NEO1: variants seen among roughly 807,000 people sequenced by gnomAD.
NEO1 encodes the protein neogenin.
Under a neutral mutation model 159.7 loss-of-function variants are expected in NEO1, and 63 were observed. That is an observed-to-expected ratio of 0.39 (90% confidence interval 0.32 to 0.49). NEO1 has a LOEUF of 0.49. Among genes scored for constraint, NEO1 ranks in the 20% least tolerant of loss-of-function variants. The pLI is 0.85. For missense variants in NEO1, 1,615 were observed against 1,831.0 expected (o/e 0.88, Z 2.15); for synonymous variants, 633 against 662.0 (o/e 0.96, Z 0.67).
At chr15:73,298,731 C>A in intron 27 of NEO1, 120 bp downstream of exon 27, 1 of 1,357,506 alleles carries the variant, frequency 7.4e-7, no homozygotes, top group Non-Finnish European at 1.0e-6. Context: ...CCAAGCCTAT[C>A]TTAGCAATTC....
Position 73,244,371 on chromosome 15 carries a change from A to C in NEO1, c.1479A>C (p.Pro493=). The C allele has an allele frequency of 6.2e-7, 1 of 1,613,888 alleles. No homozygotes were observed. The highest frequency in any genetic ancestry group is 8.5e-7 in the Non-Finnish European group (1 of 1,179,870). ...AACGTGTTGAGAATACCAGTCACCCAGGAGAGATGCAAGTAACCATTCAAA... is the reference window on the plus strand; with the variant it reads ...AACGTGTTGAGAATACCAGTCACCCCGGAGAGATGCAAGTAACCATTCAAA... The part of the protein sequence containing the change: ...ARERVENTSH[P]GEMQVTIQNL... Residue 493 remains proline, a synonymous_variant, in exon 9 of 29, where the codon CCA becomes CCC. Coordinates refer to ENST00000261908, the MANE Select transcript of NEO1 (RefSeq NM_002499.4).
intron 7 of NEO1, among the ~76,000 whole-genome samples, chr15:73,182,192 A>G (rs187882610): frequency 3.9e-5 from 6 of 152,186 alleles, no homozygotes; most frequent in Admixed American, 2.0e-4. Flanking sequence ...CTATAATTCA[A>G]TCATCTCCCA....
chr15:73,219,286 G>C (rs1008112916), intron 7 of NEO1, among the ~76,000 whole-genome samples: 8 of 149,678 alleles, frequency 5.3e-5, no homozygotes, highest in African/African-American at 2.0e-4. Flanking sequence ...TGGTCTGAGA[G>C]ATAGTTTGTT....
At chr15:73,212,290 G>A (rs2037626243) in intron 7 of NEO1, among the ~76,000 whole-genome samples, 2 of 152,134 alleles carry the variant, frequency 1.3e-5, no homozygotes, top group Admixed American at 6.5e-5. Flanking sequence ...CTCCTGAAGT[G>A]CTGCTGATTC....
intron 20 of NEO1, among the ~76,000 whole-genome samples, chr15:73,274,395 G>A (rs1335953355): frequency 6.6e-6 from 1 of 152,118 alleles, no homozygotes. Flanking sequence ...ATTTGTGGAC[G>A]TTACAGAGAA....
At chr15:73,164,019 A>ATTTTTTTTTTTTTTCTTT (rs2034382611) in intron 5 of NEO1, among the ~76,000 whole-genome samples, 1 of 123,684 alleles carries the variant, frequency 8.1e-6, no homozygotes, top group African/African-American at 2.7e-5. Flanking sequence ...TCTTTTTCTT[A>ATTTTTTTTTTTTTTCTTT]TTTTTTTTTT....
intron 22 of NEO1, among the ~76,000 whole-genome samples, chr15:73,279,766 G>A (rs952528200): frequency 1.9e-4 from 29 of 152,122 alleles, no homozygotes; most frequent in Admixed American, 1.2e-3. Context: ...CGTCTAACCC[G>A]GATCTTCAAG....
chr15:73,122,447 C>A, intron 2 of NEO1, 78 bp from the exon 3 acceptor site: 1 of 1,395,118 alleles, frequency 7.2e-7, no homozygotes, highest in Non-Finnish European at 9.7e-7. Flanking sequence ...TGTGAGCTGA[C>A]TTGCTCCTGG....
At chr15:73,062,940 G>A (rs968016610) in intron 1 of NEO1, among the ~76,000 whole-genome samples, 16 of 152,194 alleles carry the variant, frequency 1.1e-4, no homozygotes, top group African/African-American at 3.9e-4. Flanking sequence ...CATAAGTGTA[G>A]TTCATGACAC....
chr15:73,148,751 T>C (rs2151823465), intron 5 of NEO1, among the ~76,000 whole-genome samples: 1 of 152,334 alleles, frequency 6.6e-6, no homozygotes, highest in African/African-American at 2.4e-5. Context: ...TAAATTATTC[T>C]ACTTTTTCCC....
At chr15:73,141,290 A>T (rs1348630861) in intron 5 of NEO1, among the ~76,000 whole-genome samples, 1 of 152,206 alleles carries the variant, frequency 6.6e-6, no homozygotes, top group Non-Finnish European at 1.5e-5. Context: ...GAAATGCCAT[A>T]GTGAGTGTTA....
At chr15:73,121,614 A>C (rs1596053086) in intron 2 of NEO1, among the ~76,000 whole-genome samples, 1 of 152,160 alleles carries the variant, frequency 6.6e-6, no homozygotes, top group African/African-American at 2.4e-5. Flanking sequence ...TTTGGTGTCC[A>C]TTGAGGATTC....
At chr15:73,246,825 A>G (rs921028022) in intron 9 of NEO1, among the ~76,000 whole-genome samples, 3 of 152,220 alleles carry the variant, frequency 2.0e-5, no homozygotes, top group African/African-American at 7.2e-5. Flanking sequence ...CATACATCAG[A>G]TTGTTGAGAA....
intron 7 of NEO1, among the ~76,000 whole-genome samples, chr15:73,217,883 T>C (rs1310942393): frequency 3.9e-5 from 6 of 152,212 alleles, no homozygotes; most frequent in Non-Finnish European, 7.3e-5. Flanking sequence ...CAGGGACAAA[T>C]TGACTTCCTC....
intron 1 of NEO1, among the ~76,000 whole-genome samples, chr15:73,072,649 G>T (rs2068590586): frequency 6.6e-6 from 1 of 152,148 alleles, no homozygotes; most frequent in South Asian, 2.1e-4. Context: ...GAATTTAAAA[G>T]GTTATTAAAT....
chr15:73,092,403 T>G (rs1393881014), intron 1 of NEO1, among the ~76,000 whole-genome samples: 1 of 152,236 alleles, frequency 6.6e-6, no homozygotes, highest in Non-Finnish European at 1.5e-5. Flanking sequence ...AACAAATAAC[T>G]TATAATCCAC....
At chr15:73,245,983 ATT>A (rs778854468) in intron 9 of NEO1, among the ~76,000 whole-genome samples, 3 of 152,174 alleles carry the variant, frequency 2.0e-5, no homozygotes, top group Admixed American at 1.3e-4. Context: ...GGTAGAGAGT[ATT>A]TTAGATATAT....
At chr15:73,274,786 GT>G in intron 21 of NEO1, 62 bp downstream of exon 21, 2 of 1,422,486 alleles carry the variant, frequency 1.4e-6, no homozygotes, top group Non-Finnish European at 1.9e-6. Flanking sequence ...TTAGCTTTTG[GT>G]TTTTGTTTCT....
At chr15:73,089,889 C>T (rs2069584465) in intron 1 of NEO1, among the ~76,000 whole-genome samples, 1 of 152,124 alleles carries the variant, frequency 6.6e-6, no homozygotes, top group African/African-American at 2.4e-5. Flanking sequence ...TTGGAAATGA[C>T]TTAAACACTG....
Sources: gnomAD v4.1 joint callset for allele counts (sites outside exome capture counted in the v4.1 genomes callset) on GRCh38, gnomAD v4.1.1 for gene constraint, MANE v1.5 for transcripts, NCBI Gene and HGNC (gene_info 2026-07-23, HGNC 2026-07-21) for gene names.